ETV6: variants seen among roughly 807,000 people sequenced by gnomAD.
ETV6 encodes the protein transcription factor ETV6.
A neutral mutation model predicts 51.1 loss-of-function variants in ETV6; 16 were observed. The observed-to-expected ratio is 0.31, with a 90% CI of 0.21 to 0.48. ETV6 has a LOEUF of 0.48. ETV6 is among the 20% of genes least tolerant of loss of function. The pLI is 0.99. For synonymous variants in ETV6, 240 were observed against 224.1 expected, an observed-to-expected ratio of 1.07 and a Z score of -0.64; for missense variants, 458 against 594.8, an observed-to-expected ratio of 0.77 and a Z score of 2.39.
At chr12:11,888,127 C>T (rs1272332594) in intron 7 of ETV6, among the ~76,000 whole-genome samples, 1 of 152,240 alleles carries the variant, frequency 6.6e-6, no homozygotes, top group Non-Finnish European at 1.5e-5. Context: ...CAACGTCTTT[C>T]TGTCTCTAGT....
At chr12:11,846,104 A>G (rs1946459231) in intron 3 of ETV6, among the ~76,000 whole-genome samples, 2 of 152,162 alleles carry the variant, frequency 1.3e-5, no homozygotes, top group African/African-American at 4.8e-5. Context: ...TGAATTTATT[A>G]TGTAACTTAA....
At chr12:11,755,264 A>G (rs1339973890) in intron 2 of ETV6, among the ~76,000 whole-genome samples, 2 of 152,254 alleles carry the variant, frequency 1.3e-5, no homozygotes, top group African/African-American at 2.4e-5. Flanking sequence ...GTAGACAGCT[A>G]TAAAATATAG....
chr12:11,817,233 G>C (rs181225646), intron 2 of ETV6, among the ~76,000 whole-genome samples: 11 of 152,142 alleles, frequency 7.2e-5, no homozygotes, highest in Non-Finnish European at 1.6e-4. Flanking sequence ...TGTCTCCAAC[G>C]CACCAGGTAT....
chr12:11,779,512 G>A (rs939056105), intron 2 of ETV6, among the ~76,000 whole-genome samples: 6 of 152,174 alleles, frequency 3.9e-5, no homozygotes, highest in African/African-American at 1.4e-4. Context: ...CCATACCGAG[G>A]CCCACTTTTC....
At chr12:11,672,846 G>A (rs1465759529) in intron 1 of ETV6, among the ~76,000 whole-genome samples, 1 of 152,214 alleles carries the variant, frequency 6.6e-6, no homozygotes, top group East Asian at 1.9e-4. Context: ...AGGGTAGGAA[G>A]GCGGTGAACA....
At chr12:11,672,554 C>T (rs558466637) in intron 1 of ETV6, among the ~76,000 whole-genome samples, 10 of 152,294 alleles carry the variant, frequency 6.6e-5, no homozygotes, top group African/African-American at 2.4e-4. Flanking sequence ...TACAGTTGTC[C>T]TCCGTTAATG....
intron 2 of ETV6, among the ~76,000 whole-genome samples, chr12:11,828,129 A>C (rs1946186714): frequency 6.6e-6 from 1 of 152,212 alleles, no homozygotes; most frequent in African/African-American, 2.4e-5. Flanking sequence ...TTGATAATAA[A>C]AATGACCTTT....
At chr12:11,864,459 G>A (rs755847737) in intron 4 of ETV6, among the ~76,000 whole-genome samples, 1 of 149,364 alleles carries the variant, frequency 6.7e-6, no homozygotes, top group Non-Finnish European at 1.5e-5. Context: ...TCTGTAAATG[G>A]CATTTAGAAG....
intron 2 of ETV6, among the ~76,000 whole-genome samples, chr12:11,801,534 C>G (rs1591683569): frequency 6.6e-6 from 1 of 152,362 alleles, no homozygotes; most frequent in African/African-American, 2.4e-5. Flanking sequence ...GCATACCTGA[C>G]TATTCTGCGG....
Position 11,752,439 on chromosome 12 carries a change from AT to A in ETV6, c.34-6del. 1 of 1,602,844 alleles carries A rather than the reference AT, an allele frequency of 6.2e-7. No homozygotes were observed. ...CTCCCCCTCCCCTCTTCCTGCCCTTATTTTTAACAGCAGGAACGAATTTCAT... is the reference window on the plus strand; with the variant it reads ...CTCCCCCTCCCCTCTTCCTGCCCTTATTTTAACAGCAGGAACGAATTTCAT... On this transcript the variant is annotated splice_polypyrimidine_tract_variant and intron_variant, in intron 1 of 7. Coordinates refer to ENST00000396373, the MANE Select transcript of ETV6 (RefSeq NM_001987.5).
In ETV6 at chr12:11,838,958, G is replaced by C. The variant is rs139607654; in HGVS notation, c.164-182G>C. Among the ~76,000 whole-genome samples, 545 of 152,362 alleles carry C rather than the reference G, an allele frequency of 3.6e-3. 2 individuals carry two copies. Among genetic ancestry groups the C allele is most frequent in the African/African-American group, 0.012 (519 of 41,586 alleles). ...CTCTTGGAGGCTGCTTCTGGGCTTC[G>C]AGAAGCCCCCAGTGGGGCGGCTCAA... On this transcript the variant is annotated intron_variant, in intron 2 of 7. Coordinates refer to ENST00000396373, the MANE Select transcript of ETV6 (RefSeq NM_001987.5).
At position 11,796,774 on chromosome 12, in the gene ETV6, T is replaced by TG. The variant is rs1158848773; in HGVS notation, c.164-42366_164-42365insG. ...GATAATTTCTTCCTTTTCTTTTTTT[T>TG]TTTTTTGTGTGTGTGTGTGTTTTGA... On this transcript the variant is annotated intron_variant, in intron 2 of 7. Transcript: ENST00000396373. Among the ~76,000 whole-genome samples, 322 of 109,180 alleles carry TG rather than the reference T, an allele frequency of 2.9e-3. 2 individuals are homozygous for TG. Among genetic ancestry groups the TG allele is most frequent in the African/African-American group, 0.01 (308 of 30,274 alleles). The allele number at this position is 109,180 out of a possible 152,430, so 71.6% of individuals were successfully genotyped here. A position where few individuals can be genotyped will look rare whatever the true frequency, so the allele number is the denominator to read the frequency against.
intron 2 of ETV6, among the ~76,000 whole-genome samples, chr12:11,761,110 T>A (rs1167798163): frequency 4.6e-5 from 7 of 152,144 alleles, no homozygotes; most frequent in Admixed American, 3.3e-4. Flanking sequence ...AAACCCAGAC[T>A]TTTATTTTCC....
intron 1 of ETV6, among the ~76,000 whole-genome samples, chr12:11,653,050 G>A (rs943028436): frequency 2.6e-5 from 4 of 152,144 alleles, no homozygotes; most frequent in African/African-American, 9.7e-5. Context: ...CACTCCTGGG[G>A]GGGTCTGTCC....
chr12:11,744,979 T>C (rs1197277109), intron 1 of ETV6, among the ~76,000 whole-genome samples: 1 of 152,126 alleles, frequency 6.6e-6, no homozygotes, highest in African/African-American at 2.4e-5. Context: ...TGTTTTAAAA[T>C]GGGAACAATA....
intron 2 of ETV6, among the ~76,000 whole-genome samples, chr12:11,794,903 C>T (rs887363840): frequency 5.9e-5 from 9 of 152,194 alleles, no homozygotes; most frequent in African/African-American, 2.2e-4. Flanking sequence ...CCTCTACTTC[C>T]GTTGTAACTG....
intron 1 of ETV6, among the ~76,000 whole-genome samples, chr12:11,673,021 C>T (rs973848771): frequency 1.2e-4 from 18 of 152,284 alleles, no homozygotes; most frequent in Admixed American, 3.9e-4. Context: ...ACTTTCCAGA[C>T]GAAATCTGGC....
rs1274778570 is a variant in ETV6 at position 11,869,931 on chromosome 12, C to A, written c.971C>A (p.Pro324Gln). Residue 324 changes from proline to glutamine, a missense_variant, in exon 5 of 8, where the codon CCG becomes CAG. Pro to Gln is a moderately conservative substitution (Grantham distance 76). Around this residue, in one of 4 missense-constraint regions of ETV6, gnomAD observed 293 missense variants for 315.7 expected, o/e 0.93. Transcript: ENST00000396373. This position sits in a 1 kb window ranked among gnomAD's most constrained non-coding sequence, Gnocchi z 5.0. Reference protein sequence around the residue: ...YMNHIMVSVSPPEEHAMPIGR... With the variant: ...YMNHIMVSVSQPEEHAMPIGR... ...AACCACATCATGGTCTCTGTCTCCC[C>A]GCCTGAAGAGCACGCCATGCCCATT... is the stretch of plus-strand genomic sequence containing the variant. The A allele has an allele frequency of 1.9e-6, 3 of 1,610,200 alleles. No homozygotes were observed. In the Admixed American group the frequency reaches 5.0e-5, roughly 27 times the overall value.
At chr12:11,709,256 T>C (rs957095899) in intron 1 of ETV6, among the ~76,000 whole-genome samples, 1 of 152,222 alleles carries the variant, frequency 6.6e-6, no homozygotes, top group Non-Finnish European at 1.5e-5. Flanking sequence ...CCCTGCCCTC[T>C]TATCCCAGTT....
Sources: gnomAD v4.1 joint callset for allele counts (sites outside exome capture counted in the v4.1 genomes callset) on GRCh38, gnomAD v4.1.1 for gene constraint, gnomAD v4.1.1 regional missense constraint, Gnocchi (gnomAD v3.1) non-coding constraint, MANE v1.5 for transcripts, NCBI Gene and HGNC (gene_info 2026-07-23, HGNC 2026-07-21) for gene names.